TAFA4: variants seen among roughly 807,000 people sequenced by gnomAD.
The protein encoded by TAFA4 is TAFA chemokine like family member 4.
A neutral mutation model predicts 21.1 loss-of-function variants in TAFA4; 20 were observed. The observed-to-expected ratio is 0.95, with a 90% CI of 0.67 to 1.38. TAFA4 has a LOEUF of 1.38. TAFA4 is among the 40% of genes most tolerant of loss of function. The probability of loss-of-function intolerance (pLI) is 0.00; values close to 1 mark genes in which losing one functional copy is unlikely to be tolerated. For missense variants in TAFA4, 211 were observed against 180.9 expected, an observed-to-expected ratio of 1.17 and a Z score of -0.95; for synonymous variants, 71 against 67.4, an observed-to-expected ratio of 1.05 and a Z score of -0.26.
intron 3 of TAFA4, among the ~76,000 whole-genome samples, chr3:68,766,104 C>A (rs1223881508): frequency 6.6e-6 from 1 of 151,706 alleles, no homozygotes; most frequent in Non-Finnish European, 1.5e-5. Context: ...AGAAAAGCAC[C>A]TAAACATACC....
At chr3:68,905,463 C>T (rs760345138) in intron 1 of TAFA4, among the ~76,000 whole-genome samples, 28 of 152,116 alleles carry the variant, frequency 1.8e-4, no homozygotes, top group Non-Finnish European at 2.6e-4. Flanking sequence ...CCACTGCGCC[C>T]GGCCGGTCTC....
intron 3 of TAFA4, among the ~76,000 whole-genome samples, chr3:68,854,046 A>C (rs1181005479): frequency 1.3e-5 from 2 of 152,262 alleles, no homozygotes; most frequent in Middle Eastern, 3.4e-3. Flanking sequence ...TGGAAAAATA[A>C]ATGAAAATAT....
intron 1 of TAFA4, among the ~76,000 whole-genome samples, chr3:68,905,459 C>T (rs955236246): frequency 6.6e-6 from 1 of 152,046 alleles, no homozygotes; most frequent in African/African-American, 2.4e-5. Flanking sequence ...TGAGCCACTG[C>T]GCCCGGCCGG....
intron 3 of TAFA4, among the ~76,000 whole-genome samples, chr3:68,819,932 G>T (rs35994466): frequency 0.2 from 30,666 of 152,056 alleles, 3,974 homozygotes; most frequent in East Asian, 0.61. Flanking sequence ...CCCACTACCA[G>T]ATATGCATCC....
At chr3:68,820,343 C>A (rs1336217478) in intron 3 of TAFA4, among the ~76,000 whole-genome samples, 4 of 152,136 alleles carry the variant, frequency 2.6e-5, no homozygotes, top group South Asian at 2.1e-4. Context: ...TGATCTACTG[C>A]ACATCATGGT....
At chr3:68,834,620 C>T (rs1463070523) in intron 3 of TAFA4, among the ~76,000 whole-genome samples, 2 of 151,998 alleles carry the variant, frequency 1.3e-5, no homozygotes. Flanking sequence ...TTCTGATTTC[C>T]TCTTTCACCT....
At chr3:68,874,572 C>A (rs2089524375) in intron 3 of TAFA4, among the ~76,000 whole-genome samples, 1 of 152,068 alleles carries the variant, frequency 6.6e-6, no homozygotes, top group African/African-American at 2.4e-5. Context: ...AAGGCCGTGG[C>A]TTGAAAGAAG....
chr3:68,892,135 G>A (rs527807193), intron 1 of TAFA4, among the ~76,000 whole-genome samples: 2 of 152,222 alleles, frequency 1.3e-5, no homozygotes, highest in South Asian at 4.1e-4. Flanking sequence ...CACATATGTG[G>A]AATTACTTTT....
chr3:68,821,473 G>A lies in TAFA4; in HGVS notation c.130+59257C>T, dbSNP rs1461121312. ...CGCCATTCTCCTGCCTCAGCCTCCC[G>A]AGTAGCTGGGACTACAGGCGCCCGC... is the stretch of plus-strand genomic sequence containing the variant. On this transcript the variant is annotated intron_variant, in intron 3 of 5. Coordinates refer to ENST00000295569, the MANE Select transcript of TAFA4 (RefSeq NM_182522.5). Among the ~76,000 whole-genome samples, 2 of 63,638 alleles carry A rather than the reference G, an allele frequency of 3.1e-5. 1 individual carries two copies. Among genetic ancestry groups the A allele is most frequent in the African/African-American group, 1.4e-4 (2 of 14,466 alleles). 41.7% of individuals were successfully genotyped at this position (63,638 alleles called of 152,430 possible). A position where few individuals can be genotyped will look rare whatever the true frequency, so the allele number is the denominator to read the frequency against.
intron 3 of TAFA4, among the ~76,000 whole-genome samples, chr3:68,797,723 T>C (rs1703479996): frequency 6.7e-6 from 1 of 150,262 alleles, no homozygotes; most frequent in African/African-American, 2.4e-5. Context: ...AAAAATACCA[T>C]ACGAGGTACC....
At chr3:68,794,885 G>GA (rs947352607) in intron 3 of TAFA4, among the ~76,000 whole-genome samples, 37 of 145,808 alleles carry the variant, frequency 2.5e-4, no homozygotes, top group South Asian at 1.5e-3. Context: ...AAGACAAACA[G>GA]AAAAAAAAAA....
At chr3:68,824,413 A>G (rs1704181291) in intron 3 of TAFA4, among the ~76,000 whole-genome samples, 1 of 151,994 alleles carries the variant, frequency 6.6e-6, no homozygotes, top group East Asian at 1.9e-4. Flanking sequence ...GTTCCATCGT[A>G]AAAGTACATC....
At chr3:68,781,183 A>C (rs888585900) in intron 3 of TAFA4, among the ~76,000 whole-genome samples, 2 of 152,036 alleles carry the variant, frequency 1.3e-5, no homozygotes, top group Non-Finnish European at 2.9e-5. Flanking sequence ...CCTTATATTC[A>C]AAAACAAGAA....
intron 1 of TAFA4, among the ~76,000 whole-genome samples, chr3:68,916,907 T>C (rs1184396254): frequency 1.3e-5 from 2 of 152,180 alleles, no homozygotes; most frequent in Non-Finnish European, 2.9e-5. Context: ...CCAAAACTTC[T>C]ACATATATCT....
rs916011723 is a variant in TAFA4 at position 68,846,512 on chromosome 3, C to T, written c.130+34218G>A. 2.6e-5 allele frequency among the ~76,000 whole-genome samples: 4 copies of T among 152,092 alleles called. No individual in the cohort carries two copies. In the South Asian group the frequency reaches 8.3e-4, roughly 32 times the overall value. On this transcript the variant is annotated intron_variant, in intron 3 of 5. Transcript: ENST00000295569. ...GTTATTGCCCATCTTTTGAGGCCTA[C>T]TTCTGTCAACTCGTCAAACTCATTC...
At chr3:68,838,864 A>G (rs947294112) in intron 3 of TAFA4, among the ~76,000 whole-genome samples, 2 of 152,192 alleles carry the variant, frequency 1.3e-5, no homozygotes, top group Non-Finnish European at 2.9e-5. Context: ...TGGGAGGCCA[A>G]GGCAGGTAGA....
chr3:68,764,480 G>A (rs1230047498), intron 3 of TAFA4, among the ~76,000 whole-genome samples: 1 of 152,116 alleles, frequency 6.6e-6, no homozygotes, highest in Non-Finnish European at 1.5e-5. Context: ...TAACTTCATA[G>A]GCTGAAAAAA....
chr3:68,905,963 G>A (rs1395846200), intron 1 of TAFA4, among the ~76,000 whole-genome samples: 3 of 152,172 alleles, frequency 2.0e-5, no homozygotes, highest in Non-Finnish European at 4.4e-5. Flanking sequence ...GTGTTAACTG[G>A]GCCTAAACCG....
At chr3:68,883,701 A>T (rs2089641421) in intron 2 of TAFA4, among the ~76,000 whole-genome samples, 1 of 152,240 alleles carries the variant, frequency 6.6e-6, no homozygotes, top group South Asian at 2.1e-4. Context: ...ACAATCCAGC[A>T]GATCACTTAT....
Sources: allele counts gnomAD v4.1 joint callset (sites outside exome capture counted in the v4.1 genomes callset), GRCh38; gene constraint gnomAD v4.1.1; transcripts MANE v1.5; gene names NCBI Gene and HGNC (gene_info 2026-07-23, HGNC 2026-07-21).